The following ERC2 variants were observed in gnomAD, a reference collection of about 807,000 sequenced individuals.
The protein encoded by ERC2 is ERC protein 2.
In ERC2, 42 loss-of-function variants were observed where a neutral mutation model predicts 114.8. The observed-to-expected ratio is 0.37, with a 90% CI of 0.29 to 0.47. The LOEUF is 0.47. Among genes scored for constraint, ERC2 ranks in the 20% least tolerant of loss-of-function variants. ERC2 has a pLI of 0.99. For missense variants in ERC2, 939 were observed against 1,150.7 expected (o/e 0.82, Z 2.66); for synonymous variants, 454 against 425.5 (o/e 1.07, Z -0.82).
intron 17 of ERC2, among the ~76,000 whole-genome samples, chr3:55,556,336 T>C (rs961229387): frequency 1.1e-4 from 17 of 152,168 alleles, no homozygotes; most frequent in South Asian, 4.1e-4. Flanking sequence ...AGCCTCTCAG[T>C]GCCCCACATG....
chr3:56,328,116 T>C (rs2057449113), intron 2 of ERC2, among the ~76,000 whole-genome samples: 1 of 152,114 alleles, frequency 6.6e-6, no homozygotes, highest in South Asian at 2.1e-4. Flanking sequence ...TAAAGTGCTA[T>C]AGTAACCTAA....
chr3:55,776,424 A>G (rs192768835), intron 14 of ERC2, among the ~76,000 whole-genome samples: 18 of 152,320 alleles, frequency 1.2e-4, no homozygotes, highest in Non-Finnish European at 2.5e-4. Context: ...AGAGAAGGCT[A>G]ACACCATTTC....
intron 14 of ERC2, among the ~76,000 whole-genome samples, chr3:55,788,263 C>G (rs1157151110): frequency 1.3e-5 from 2 of 152,166 alleles, no homozygotes; most frequent in Admixed American, 6.5e-5. Flanking sequence ...CCAGAATCTC[C>G]CCTGATAATC....
intron 17 of ERC2, among the ~76,000 whole-genome samples, chr3:55,545,770 G>C (rs1347207271): frequency 6.6e-6 from 1 of 152,156 alleles, no homozygotes; most frequent in Non-Finnish European, 1.5e-5. Flanking sequence ...TGTGCCAGGG[G>C]GTACCCACTG....
chr3:55,526,960 C>A (rs1246939165), intron 17 of ERC2, among the ~76,000 whole-genome samples: 3 of 152,238 alleles, frequency 2.0e-5, no homozygotes, highest in African/African-American at 7.2e-5. Context: ...AGCAGGAGCA[C>A]ACGTGTCTCC....
intron 13 of ERC2, among the ~76,000 whole-genome samples, chr3:55,890,082 TGTAGA>T (rs1270902268): frequency 8.5e-5 from 13 of 152,220 alleles, no homozygotes; most frequent in African/African-American, 2.2e-4. Context: ...CCTATGTAAC[TGTAGA>T]GTAAATTGAA....
chr3:55,836,540 T>A (rs2060893282), intron 14 of ERC2, among the ~76,000 whole-genome samples: 1 of 152,220 alleles, frequency 6.6e-6, no homozygotes, highest in South Asian at 2.1e-4. Flanking sequence ...CTGGGAAAAC[T>A]GGCTAGCCAT....
In ERC2 at chr3:55,956,858, T is replaced by C. The variant is rs144660447; in HGVS notation, c.2268-6298A>G. ...CATCCTGGCTTCCCTCCTTGCTTTA[T>C]TCTTCCTCCTCTCCCTACCGATGGT... is the stretch of plus-strand genomic sequence containing the variant. On this transcript the variant is annotated intron_variant, in intron 12 of 17. Transcript: ENST00000288221. Among the ~76,000 whole-genome samples the C allele has an allele frequency of 6.1e-3, 927 of 152,290 alleles. 5 individuals are homozygous for C. Among genetic ancestry groups the C allele is most frequent in the Middle Eastern group, 0.014 (4 of 294 alleles).
chr3:56,127,727 G>GAA (rs202062338), intron 6 of ERC2, among the ~76,000 whole-genome samples: 2 of 81,436 alleles, frequency 2.5e-5, no homozygotes, highest in Non-Finnish European at 5.5e-5. Flanking sequence ...TGTCTCAAAA[G>GAA]AAAAAAAAAA....
At chr3:56,039,365 C>A (rs1473307989) in intron 7 of ERC2, among the ~76,000 whole-genome samples, 6 of 152,076 alleles carry the variant, frequency 3.9e-5, no homozygotes, top group Admixed American at 3.3e-4. Flanking sequence ...AACAAACTAT[C>A]TGAAAAAGAA....
At chr3:56,184,981 C>G (rs781597105) in intron 3 of ERC2, 2 of 152,184 alleles carry the variant, frequency 1.3e-5, no homozygotes, top group Non-Finnish European at 1.5e-5. Context: ...TATGCACTGG[C>G]CTTTGTCCCT....
At chr3:56,065,315 C>T (rs2076420304) in intron 7 of ERC2, among the ~76,000 whole-genome samples, 3 of 152,070 alleles carry the variant, frequency 2.0e-5, no homozygotes, top group Admixed American at 6.6e-5. Flanking sequence ...CTCAACCTCC[C>T]GGACTCAAGC....
At chr3:55,900,763 G>A (rs1038712482) in intron 13 of ERC2, among the ~76,000 whole-genome samples, 1 of 152,250 alleles carries the variant, frequency 6.6e-6, no homozygotes, top group East Asian at 1.9e-4. Flanking sequence ...CAAACACACA[G>A]TAGATAGTCA....
chr3:55,812,875 G>A (rs542046530), intron 14 of ERC2, among the ~76,000 whole-genome samples: 120 of 152,358 alleles, frequency 7.9e-4, no homozygotes, highest in African/African-American at 2.7e-3. Flanking sequence ...GCATGTGCAC[G>A]TGTCTTGCAT....
intron 17 of ERC2, among the ~76,000 whole-genome samples, chr3:55,591,687 G>A (rs528967334): frequency 1.3e-5 from 2 of 152,212 alleles, no homozygotes; most frequent in East Asian, 3.9e-4. Context: ...CACAAGTCTT[G>A]AGTGGGTCCC....
intron 17 of ERC2, among the ~76,000 whole-genome samples, chr3:55,555,151 A>G (rs1176181807): frequency 6.6e-6 from 1 of 152,248 alleles, no homozygotes; most frequent in African/African-American, 2.4e-5. Context: ...TAAAAGGACC[A>G]TAAAGGGCAT....
chr3:55,913,824 A>G (rs912346739), intron 13 of ERC2, among the ~76,000 whole-genome samples: 6 of 152,184 alleles, frequency 3.9e-5, no homozygotes, highest in Non-Finnish European at 7.3e-5. Flanking sequence ...TGCAGTGATG[A>G]GCAAGCCTCA....
At chr3:56,229,596 C>G (rs1387450320) in intron 3 of ERC2, among the ~76,000 whole-genome samples, 1 of 152,134 alleles carries the variant, frequency 6.6e-6, no homozygotes, top group Admixed American at 6.6e-5. Context: ...AAAACAGTAA[C>G]AAGCTAAAGC....
At position 55,733,731 on chromosome 3, in the gene ERC2, C is replaced by T. The variant is rs144285709; in HGVS notation, c.2712+1040G>A. Among the ~76,000 whole-genome samples, 380 of 152,132 alleles carry T rather than the reference C, an allele frequency of 2.5e-3. 5 individuals carry two copies. The highest frequency in any genetic ancestry group is 8.3e-3 in the African/African-American group (345 of 41,500). ...GAGGGAACTTATTCCTTCAGGCTTC[C>T]CTTCCACTCACCTTGCCCATGGTGC... is the stretch of plus-strand genomic sequence containing the variant. On this transcript the variant is annotated intron_variant, in intron 15 of 17. Transcript: ENST00000288221.
Sources: allele counts gnomAD v4.1 joint callset (sites outside exome capture counted in the v4.1 genomes callset), GRCh38; gene constraint gnomAD v4.1.1; transcripts MANE v1.5; gene names NCBI Gene and HGNC (gene_info 2026-07-23, HGNC 2026-07-21).